The following ABCB1 variants were observed in gnomAD, a reference collection of about 807,000 sequenced individuals.
The protein encoded by ABCB1 is ATP-dependent translocase ABCB1.
Under a neutral mutation model 142.0 loss-of-function variants are expected in ABCB1, and 69 were observed. The ratio of observed to expected loss-of-function variants is 0.49; its 90% CI spans 0.40 to 0.59. The LOEUF is 0.59. Among genes scored for constraint, ABCB1 ranks in the 20% least tolerant of loss-of-function variants. ABCB1 has a pLI of 0.00. For missense variants in ABCB1, 1,326 were observed against 1,554.7 expected (o/e 0.85, Z 2.47); for synonymous variants, 532 against 539.2 (o/e 0.99, Z 0.18).
intron 1 of ABCB1, among the ~76,000 whole-genome samples, chr7:87,697,120 T>C (rs1828558893): frequency 1.3e-5 from 2 of 152,228 alleles, no homozygotes; most frequent in Admixed American, 1.3e-4. Flanking sequence ...GCCAAAGTCC[T>C]GGACCCTTGT....
rs114020408 is a variant in ABCB1, at chr7:87,577,892, T to C, written c.286+7620A>G. ...GTTGTCTCTTCACTTTGCTGATTGT[T>C]TCCTCTGCAGTCCAGAAGGTTTTTA... is the stretch of plus-strand genomic sequence containing the variant. On this transcript the variant is annotated intron_variant, in intron 4 of 27. Transcript: ENST00000622132. Among the ~76,000 whole-genome samples, 742 of 152,320 alleles carry C rather than the reference T, an allele frequency of 4.9e-3. 4 individuals carry two copies. Among genetic ancestry groups the C allele is most frequent in the African/African-American group, 0.017 (705 of 41,576 alleles).
At chr7:87,579,752 T>C (rs958687562) in intron 4 of ABCB1, among the ~76,000 whole-genome samples, 12 of 152,218 alleles carry the variant, frequency 7.9e-5, no homozygotes, top group African/African-American at 2.7e-4. Flanking sequence ...TTCCTTTTAG[T>C]GAAGGTGATC....
intron 1 of ABCB1, among the ~76,000 whole-genome samples, chr7:87,681,933 G>A (rs966834467): frequency 1.3e-5 from 2 of 152,178 alleles, no homozygotes; most frequent in African/African-American, 4.8e-5. Context: ...TTATTTGGTA[G>A]CGTTCTACCC....
intron 22 of ABCB1, among the ~76,000 whole-genome samples, chr7:87,520,527 C>T (rs1815452467): frequency 6.6e-6 from 1 of 152,196 alleles, no homozygotes; most frequent in Middle Eastern, 3.2e-3. Context: ...GATAGTCATT[C>T]TCAGCATCAT....
chr7:87,520,993 ATG>A, intron 21 of ABCB1, 117 bp from the exon 22 acceptor site: 1 of 794,108 alleles, frequency 1.3e-6, no homozygotes, highest in Non-Finnish European at 2.1e-6. Context: ...ATTATTATGT[ATG>A]AGCATTTTCT....
At chr7:87,602,292 CTTTTTTTT>C (rs59849542), upstream of ABCB1, among the ~76,000 whole-genome samples, 2,369 of 92,408 alleles carry the variant, frequency 0.026, 74 homozygotes, top group African/African-American at 0.089. Flanking sequence ...AGCTCGGCCT[CTTTTTTTT>C]TTTTTTTTTT....
At chr7:87,651,012 A>G in intron 1 of ABCB1, 1 of 838,496 alleles carries the variant, frequency 1.2e-6, no homozygotes. Context: ...GAAATCATAC[A>G]GTCTGTGTGA....
At chr7:87,562,881 T>C (rs1250200683) in intron 7 of ABCB1, among the ~76,000 whole-genome samples, 1 of 151,922 alleles carries the variant, frequency 6.6e-6, no homozygotes, top group African/African-American at 2.4e-5. Flanking sequence ...GGAGAATCAC[T>C]TGAGGCCAAG....
intron 7 of ABCB1, 70 bp downstream of exon 7, chr7:87,566,000 C>A (rs1817769110): frequency 6.5e-7 from 1 of 1,549,294 alleles, no homozygotes; most frequent in Non-Finnish European, 8.9e-7. Context: ...AGTAAAAAGA[C>A]CTTTCCGTAG....
chr7:87,675,723 G>A (rs945856848), intron 1 of ABCB1, among the ~76,000 whole-genome samples: 2 of 148,096 alleles, frequency 1.4e-5, no homozygotes, highest in Non-Finnish European at 3.0e-5. Flanking sequence ...GAGAGAAATC[G>A]GACCTTTCTC....
Position 87,626,490 on chromosome 7 carries a change from A to G in ABCB1, c.-330-25412T>C, listed in dbSNP as rs1365271901. Among the ~76,000 whole-genome samples, 3 of 12,350 alleles carry G rather than the reference A, an allele frequency of 2.4e-4. 1 individual carries two copies. The highest frequency in any genetic ancestry group is 3.4e-4 in the Non-Finnish European group (3 of 8,906). 8.1% of individuals were successfully genotyped at this position (12,350 alleles called of 152,430 possible). A position where few individuals can be genotyped will look rare whatever the true frequency, so the allele number is the denominator to read the frequency against. On this transcript the variant is annotated intron_variant, in intron 1 of 28. Coordinates refer to the ABCB1 transcript ENST00000265724. ...TATGTGTCATATATATGTGTCATAT[A>G]TATGTGTCATATATGTGTCATATAT...
intron 24 of ABCB1, among the ~76,000 whole-genome samples, chr7:87,515,884 A>G (rs1248852086): frequency 1.3e-5 from 2 of 152,192 alleles, no homozygotes; most frequent in Non-Finnish European, 2.9e-5. Flanking sequence ...GGCATGAGCC[A>G]CTGTGCTTGA....
intron 20 of ABCB1, among the ~76,000 whole-genome samples, chr7:87,532,082 A>G (rs532813750): frequency 6.6e-6 from 1 of 152,322 alleles, no homozygotes; most frequent in South Asian, 2.1e-4. Flanking sequence ...TAAAGCCAGA[A>G]GTCAAACTGC....
At chr7:87,628,643 G>A in intron 1 of ABCB1, 1 of 375,182 alleles carries the variant, frequency 2.7e-6, no homozygotes, top group Non-Finnish European at 4.7e-6. Flanking sequence ...GGTGCCAAGG[G>A]CGAGCCGTCA....
intron 4 of ABCB1, among the ~76,000 whole-genome samples, chr7:87,581,851 A>T (rs111560926): frequency 6.6e-6 from 1 of 152,148 alleles, no homozygotes; most frequent in East Asian, 1.9e-4. Context: ...GTCCACCCCC[A>T]TGGAGAGATA....
chr7:87,701,473 A>G (rs1180443285), intron 1 of ABCB1, among the ~76,000 whole-genome samples: 1 of 152,212 alleles, frequency 6.6e-6, no homozygotes, highest in East Asian at 1.9e-4. Flanking sequence ...ATTTAATGAA[A>G]TGTGTCAACA....
chr7:87,546,942 C>G (rs1174129625), intron 14 of ABCB1, among the ~76,000 whole-genome samples: 1 of 152,098 alleles, frequency 6.6e-6, no homozygotes. Flanking sequence ...AAATAAAGCA[C>G]ATAAAGTACT....
At chr7:87,507,265 T>C (rs1272757907) in intron 26 of ABCB1, among the ~76,000 whole-genome samples, 1 of 152,192 alleles carries the variant, frequency 6.6e-6, no homozygotes, top group African/African-American at 2.4e-5. Flanking sequence ...GGTAGACAAA[T>C]GCCAGAGAGG....
intron 3 of ABCB1, among the ~76,000 whole-genome samples, chr7:87,595,501 C>T (rs1819163772): frequency 1.3e-5 from 2 of 152,038 alleles, no homozygotes; most frequent in Admixed American, 6.5e-5. Flanking sequence ...GGGAGAGGTG[C>T]TTGTGTAGGT....
Sources: gnomAD v4.1 joint callset for allele counts (sites outside exome capture counted in the v4.1 genomes callset) on GRCh38, gnomAD v4.1.1 for gene constraint, MANE v1.5 for transcripts, NCBI Gene and HGNC (gene_info 2026-07-23, HGNC 2026-07-21) for gene names.